Variants in TUSC3 observed in about 807,000 individuals in gnomAD.
The protein encoded by TUSC3 is tumor suppressor candidate 3.
Under a neutral mutation model 44.8 loss-of-function variants are expected in TUSC3, and 45 were observed. That is an observed-to-expected ratio of 1.00 (90% confidence interval 0.79 to 1.29). The LOEUF (loss-of-function observed/expected upper bound fraction) is 1.29, where lower values mean the gene tolerates loss of function less well. TUSC3 is among the 50% of genes most tolerant of loss of function. The pLI is 0.00. For synonymous variants in TUSC3, 212 were observed against 152.9 expected (o/e 1.39, Z -2.85); for missense variants, 519 against 437.9 (o/e 1.19, Z -1.65).
intron 7 of TUSC3, among the ~76,000 whole-genome samples, chr8:15,731,018 A>C (rs1407188160): frequency 6.6e-6 from 1 of 152,032 alleles, no homozygotes. Context: ...TCAAGTGTAT[A>C]TGGCTTTTCC....
At chr8:15,436,757 A>C (rs959654051) in intron 1 of TUSC3, among the ~76,000 whole-genome samples, 14 of 152,204 alleles carry the variant, frequency 9.2e-5, no homozygotes, top group Admixed American at 8.5e-4. Context: ...ATAGTGTGCA[A>C]GTGTCACTCA....
At chr8:15,537,354 A>G (rs539254978), upstream of TUSC3, among the ~76,000 whole-genome samples, 14 of 152,238 alleles carry the variant, frequency 9.2e-5, no homozygotes, top group South Asian at 2.7e-3. Flanking sequence ...AACGAAACCA[A>G]TGCATTTCTT....
At chr8:15,671,809 C>T (rs1807957195) in intron 5 of TUSC3, among the ~76,000 whole-genome samples, 1 of 152,116 alleles carries the variant, frequency 6.6e-6, no homozygotes, top group Admixed American at 6.6e-5. Context: ...ATAGTAAGCT[C>T]TTGGTGAATA....
rs1812323695 is a variant in TUSC3, at chr8:15,766,290, A to G, written c.*2134A>G. The G allele has an allele frequency of 6.6e-6, 1 of 152,140 alleles. No individual in the cohort carries two copies. The highest frequency in any genetic ancestry group is 2.4e-5 in the African/African-American group (1 of 41,442). The allele number at this position is 152,140 out of a possible 1,614,324, so 9.4% of individuals were successfully genotyped here. The stretch of plus-strand genomic sequence containing the variant: ...TTACTGACTGGAAAATGCTATAGGC[A>G]GAATTGCAAAGAGTGGCTCAAACAT... On this transcript the variant is annotated 3_prime_UTR_variant, in exon 11 of 11. Transcript: ENST00000503731.
At chr8:15,732,216 T>C (rs187354) in intron 7 of TUSC3, among the ~76,000 whole-genome samples, 133,382 of 152,132 alleles carry the variant, frequency 0.88, 58,682 homozygotes, top group Non-Finnish European at 0.9. Flanking sequence ...TCTGTGTCCC[T>C]ACCTAAATCT....
At chr8:15,799,566 G>C in the TUSC3 span, among the ~76,000 whole-genome samples, 4 of 152,060 alleles carry the variant, frequency 2.6e-5, no homozygotes, top group Non-Finnish European at 4.4e-5. Context: ...GTTTTTCCTC[G>C]TCAGTGGGCA....
chr8:15,795,002 C>T, the TUSC3 span, among the ~76,000 whole-genome samples: 1 of 152,086 alleles, frequency 6.6e-6, no homozygotes, highest in African/African-American at 2.4e-5. Flanking sequence ...ATGAATTTTC[C>T]ATGAGTATGC....
At chr8:15,615,202 A>G (rs1384450700) in intron 1 of TUSC3, among the ~76,000 whole-genome samples, 1 of 152,232 alleles carries the variant, frequency 6.6e-6, no homozygotes, top group Non-Finnish European at 1.5e-5. Context: ...CTGATGTGGA[A>G]TCAACCTAAG....
chr8:15,509,660 G>C (rs770517576), intron 2 of TUSC3, among the ~76,000 whole-genome samples: 2 of 151,904 alleles, frequency 1.3e-5, no homozygotes, highest in Admixed American at 1.3e-4. Context: ...AAGTATTAGC[G>C]TGACAAATTT....
intron 2 of TUSC3, among the ~76,000 whole-genome samples, chr8:15,533,106 A>T (rs1208266979): frequency 1.3e-5 from 2 of 152,118 alleles, no homozygotes; most frequent in African/African-American, 4.8e-5. Flanking sequence ...TGATAGTTTT[A>T]AAAATGGGAG....
chr8:15,749,145 C>T lies in TUSC3; in HGVS notation c.1028+680C>T, dbSNP rs1236839682. ...AATAACTTAACATTTTTTTCTTTCT[C>T]TAAGGAGTCCTTCTTTTAGGTTAGC... On this transcript the variant is annotated intron_variant, in intron 9 of 10. Coordinates refer to ENST00000503731, the MANE Select transcript of TUSC3 (RefSeq NM_006765.4). 9.9e-5 allele frequency among the ~76,000 whole-genome samples: 15 copies of T among 152,006 alleles called. No homozygotes were observed. In the East Asian group the frequency reaches 2.3e-3, roughly 24 times the overall value.
rs980939999 is a variant in TUSC3, at chr8:15,547,206, A to T, written c.138+6638A>T. Among the ~76,000 whole-genome samples, 3 of 151,758 alleles carry T rather than the reference A, an allele frequency of 2.0e-5. 1 individual carries two copies. In the South Asian group the frequency reaches 6.3e-4, roughly 32 times the overall value. ...TGTAATGGAAAGGGCACTTTAGTAC[A>T]GGTTAAATAAGTTGTAGCACTGATT... On this transcript the variant is annotated intron_variant, in intron 1 of 10. Transcript: ENST00000503731.
chr8:15,537,216 TA>T (rs758243932), upstream of TUSC3, among the ~76,000 whole-genome samples: 258 of 152,240 alleles, frequency 1.7e-3, 3 homozygotes, highest in Non-Finnish European at 9.9e-4. Flanking sequence ...TACCTTAACC[TA>T]AACATTCCTT....
At chr8:15,448,771 A>G (rs1042941956) in intron 1 of TUSC3, among the ~76,000 whole-genome samples, 1 of 152,176 alleles carries the variant, frequency 6.6e-6, no homozygotes, top group Non-Finnish European at 1.5e-5. Context: ...AACAAAAAAG[A>G]GTACTGCTAA....
chr8:15,600,629 C>T (rs1437659949), intron 1 of TUSC3, among the ~76,000 whole-genome samples: 7 of 151,520 alleles, frequency 4.6e-5, no homozygotes, highest in East Asian at 1.9e-4. Context: ...TAAACATACA[C>T]GAACATTTGA....
the TUSC3 span, among the ~76,000 whole-genome samples, chr8:15,841,286 A>T: frequency 0.021 from 3,250 of 152,242 alleles, 58 homozygotes; most frequent in Middle Eastern, 0.051. Context: ...ATTGGATTAT[A>T]TATTTTAACA....
chr8:15,492,006 C>A (rs1800815739), intron 2 of TUSC3, among the ~76,000 whole-genome samples: 1 of 152,196 alleles, frequency 6.6e-6, no homozygotes, highest in African/African-American at 2.4e-5. Flanking sequence ...CTCATACCTC[C>A]AGGTTTTTGC....
intron 1 of TUSC3, among the ~76,000 whole-genome samples, chr8:15,461,820 T>A (rs1301753828): frequency 1.3e-5 from 2 of 151,848 alleles, no homozygotes; most frequent in African/African-American, 4.8e-5. Flanking sequence ...AATAAAAGAT[T>A]TGTATATATA....
At chr8:15,494,663 G>T (rs1800856165) in intron 2 of TUSC3, among the ~76,000 whole-genome samples, 1 of 152,092 alleles carries the variant, frequency 6.6e-6, no homozygotes, top group South Asian at 2.1e-4. Flanking sequence ...ACCTTTGCAC[G>T]TCCTATTTAA....
Sources: gnomAD v4.1 joint callset for allele counts (sites outside exome capture counted in the v4.1 genomes callset) on GRCh38, gnomAD v4.1.1 for gene constraint, MANE v1.5 for transcripts, NCBI Gene and HGNC (gene_info 2026-07-23, HGNC 2026-07-21) for gene names.